The following ASCC3 variants were observed in gnomAD, a reference collection of about 807,000 sequenced individuals.
ASCC3 encodes ASC-1 complex subunit P200.
In ASCC3, 158 loss-of-function variants were observed where a neutral mutation model predicts 256.3. The ratio of observed to expected loss-of-function variants is 0.62; its 90% confidence interval spans 0.54 to 0.70. The LOEUF is 0.70. Ranked by LOEUF, ASCC3 falls within the 30% of genes least tolerant of loss-of-function variation. ASCC3 has a pLI of 0.00. For synonymous variants in ASCC3, 948 were observed against 883.4 expected (o/e 1.07, Z -1.30); for missense variants, 2,259 against 2,626.0 (o/e 0.86, Z 3.05).
intron 17 of ASCC3, among the ~76,000 whole-genome samples, chr6:100,653,700 G>A (rs560492636): frequency 6.6e-6 from 1 of 151,852 alleles, no homozygotes; most frequent in African/African-American, 2.4e-5. Flanking sequence ...ATGCAGATGG[G>A]AGAACCCATT....
chr6:100,733,764 G>A (rs773852568), intron 10 of ASCC3, among the ~76,000 whole-genome samples: 2 of 152,096 alleles, frequency 1.3e-5, no homozygotes, highest in African/African-American at 2.4e-5. Flanking sequence ...TCAACCTCTT[G>A]AAAGCAATTT....
chr6:100,579,239 T>C (rs563569587), intron 36 of ASCC3, among the ~76,000 whole-genome samples: 1 of 151,856 alleles, frequency 6.6e-6, no homozygotes, highest in East Asian at 1.9e-4. Context: ...ATTCTGAATA[T>C]TAGACCTTTG....
At chr6:100,577,378 C>T (rs193224940) in intron 36 of ASCC3, among the ~76,000 whole-genome samples, 11 of 151,960 alleles carry the variant, frequency 7.2e-5, no homozygotes, top group African/African-American at 2.7e-4. Flanking sequence ...AATTTTGGTC[C>T]CATTGATTCA....
rs373793004 is a variant in ASCC3, at chr6:100,725,712, G to A, written c.1738-9C>T. ...GGTGTGGTCACAAGCATCTATAAGA[G>A]AAGACACATTTTAAAAGGGGAAAGT... On this transcript the variant is annotated splice_polypyrimidine_tract_variant and intron_variant, in intron 10 of 41. Transcript: ENST00000369162. 1.8e-5 allele frequency: 29 copies of A among 1,611,954 alleles called. No homozygotes were observed. In the Admixed American group the frequency reaches 3.5e-4, roughly 20 times the overall value.
intron 5 of ASCC3, among the ~76,000 whole-genome samples, chr6:100,805,111 T>C (rs752491567): frequency 6.7e-6 from 1 of 148,556 alleles, no homozygotes; most frequent in Non-Finnish European, 1.5e-5. Flanking sequence ...ATTGAGTCCA[T>C]AGTAATATTT....
intron 8 of ASCC3, among the ~76,000 whole-genome samples, chr6:100,796,174 A>C (rs1353563152): frequency 1.3e-5 from 2 of 152,222 alleles, no homozygotes; most frequent in African/African-American, 4.8e-5. Context: ...TAAAATAAAA[A>C]TAAAAAACAG....
chr6:100,755,192 T>C (rs1417073622), intron 10 of ASCC3, among the ~76,000 whole-genome samples: 1 of 152,136 alleles, frequency 6.6e-6, no homozygotes, highest in Non-Finnish European at 1.5e-5. Context: ...TCAGTAAAAA[T>C]GTTCTGGAAC....
At chr6:100,874,792 G>C (rs1396508012) in intron 1 of ASCC3, among the ~76,000 whole-genome samples, 1 of 152,250 alleles carries the variant, frequency 6.6e-6, no homozygotes, top group East Asian at 1.9e-4. Context: ...ATCTAAAGGG[G>C]TGGGAGGGCA....
intron 4 of ASCC3, chr6:100,847,916 A>T: frequency 2.6e-6 from 1 of 380,026 alleles, no homozygotes; most frequent in Non-Finnish European, 4.7e-6. Flanking sequence ...GCATGTGGAC[A>T]CCCAACTATT....
chr6:100,850,239 CTATTA>C (rs1562342821), intron 3 of ASCC3, among the ~76,000 whole-genome samples: 12 of 151,920 alleles, frequency 7.9e-5, no homozygotes. Flanking sequence ...GTCTTATTGG[CTATTA>C]TATATTTCCT....
intron 10 of ASCC3, among the ~76,000 whole-genome samples, chr6:100,729,403 T>C (rs1457018514): frequency 6.6e-6 from 1 of 152,206 alleles, no homozygotes; most frequent in Non-Finnish European, 1.5e-5. Context: ...AGCAAATGTG[T>C]ATTGGAAGCT....
chr6:100,641,715 G>A (rs1402182230), intron 24 of ASCC3, among the ~76,000 whole-genome samples: 1 of 152,148 alleles, frequency 6.6e-6, no homozygotes, highest in Admixed American at 6.5e-5. Flanking sequence ...ACATGCACAT[G>A]TATGTTTACT....
At chr6:100,629,713 G>A (rs752972042) in intron 26 of ASCC3, among the ~76,000 whole-genome samples, 9 of 151,914 alleles carry the variant, frequency 5.9e-5, no homozygotes, top group South Asian at 2.1e-4. Context: ...AATGTATTAG[G>A]ATGAAAACAA....
At chr6:100,570,107 T>C (rs1443588261) in intron 36 of ASCC3, among the ~76,000 whole-genome samples, 1 of 152,170 alleles carries the variant, frequency 6.6e-6, no homozygotes, top group Non-Finnish European at 1.5e-5. Flanking sequence ...TAGAGAAATG[T>C]TACTGATTTT....
At chr6:100,763,467 C>A (rs1264140212) in intron 10 of ASCC3, among the ~76,000 whole-genome samples, 2 of 152,040 alleles carry the variant, frequency 1.3e-5, no homozygotes, top group African/African-American at 4.8e-5. Context: ...TGTAGGAGAT[C>A]GGTCAGGGTG....
chr6:100,848,035 A>T, intron 4 of ASCC3, 113 bp downstream of exon 4: 1 of 1,050,172 alleles, frequency 9.5e-7, no homozygotes, highest in Non-Finnish European at 1.3e-6. Flanking sequence ...TATAGATTCA[A>T]CTACTATACA....
At chr6:100,550,692 A>G (rs1769246673) in intron 36 of ASCC3, among the ~76,000 whole-genome samples, 1 of 151,774 alleles carries the variant, frequency 6.6e-6, no homozygotes, top group Admixed American at 6.6e-5. Context: ...TCCCTATGTT[A>G]GAATTTCAAC....
Position 100,764,170 on chromosome 6 carries a change from T to G in ASCC3, c.1737+2395A>C, listed in dbSNP as rs113759987. On this transcript the variant is annotated intron_variant, in intron 10 of 41. Coordinates refer to ENST00000369162, the MANE Select transcript of ASCC3 (RefSeq NM_006828.4). ...ATATAGGACAAGAGCAATCAAAATT[T>G]TACTTGAGAGTGATTCAGGTTTTTA... Among the ~76,000 whole-genome samples the G allele has an allele frequency of 3.3e-5, 5 of 152,304 alleles. 1 individual carries two copies. The highest frequency in any genetic ancestry group is 1.2e-4 in the African/African-American group (5 of 41,568).
chr6:100,723,163 T>TTC (rs1173068043), intron 11 of ASCC3, among the ~76,000 whole-genome samples: 3 of 151,708 alleles, frequency 2.0e-5, no homozygotes, highest in African/African-American at 7.2e-5. Context: ...TTTTAAATAT[T>TTC]TCTCAATAAT....
Sources: allele counts gnomAD v4.1 joint callset (sites outside exome capture counted in the v4.1 genomes callset), GRCh38; gene constraint gnomAD v4.1.1; transcripts MANE v1.5; gene names NCBI Gene and HGNC (gene_info 2026-07-23, HGNC 2026-07-21).